The following DNAH11 variants were observed in gnomAD, a reference collection of about 807,000 sequenced individuals.
The protein encoded by DNAH11 is axonemal beta dynein heavy chain 11.
A neutral mutation model predicts 526.0 loss-of-function variants in DNAH11; 442 were observed. The ratio of observed to expected loss-of-function variants is 0.84; its 90% confidence interval spans 0.78 to 0.91. DNAH11 has a LOEUF of 0.91. Ranked by LOEUF, DNAH11 falls within the 40% of genes least tolerant of loss-of-function variation. The pLI is 0.00. For missense variants in DNAH11, 6,989 were observed against 5,448.7 expected, an observed-to-expected ratio of 1.28 and a Z score of -8.90; for synonymous variants, 2,461 against 1,935.9, an observed-to-expected ratio of 1.27 and a Z score of -7.12.
intron 67 of DNAH11, 26 bp from the exon 68 acceptor site, chr7:21,854,289 A>G: frequency 1.2e-6 from 2 of 1,610,076 alleles, no homozygotes; most frequent in East Asian, 2.2e-5. Context: ...TAAATAAGTT[A>G]CTTATTTTGT....
chr7:21,819,340 T>G (rs1789954974), intron 65 of DNAH11, among the ~76,000 whole-genome samples: 1 of 152,146 alleles, frequency 6.6e-6, no homozygotes, highest in African/African-American at 2.4e-5. Context: ...TCTAACTGAT[T>G]AGTATGGTAT....
In DNAH11 at chr7:21,867,871, G is replaced by A; in HGVS notation, c.11703G>A (p.Glu3901=). The change falls in exon 72 of 82, where the codon GAG becomes GAA. Residue 3901 remains glutamate, a synonymous_variant. Coordinates refer to ENST00000409508, the MANE Select transcript of DNAH11 (RefSeq NM_001277115.2). ...RMTYALRNFV[E]EKLGAKYVER... ...TTGTTTTTTATAGAAATTTTGTAGA[G>A]GAAAAACTGGGTGCGAAGTATGTGG... 1 of 1,573,628 alleles carries A rather than the reference G, an allele frequency of 6.4e-7. No individual in the cohort carries two copies. The highest frequency in any genetic ancestry group is 8.6e-7 in the Non-Finnish European group (1 of 1,158,206).
In DNAH11 at chr7:21,788,057, C is replaced by T. The variant is rs556699330; in HGVS notation, c.9924+474C>T. Among the ~76,000 whole-genome samples the T allele has an allele frequency of 3.6e-4, 55 of 152,250 alleles. 1 individual carries two copies. The highest frequency in any genetic ancestry group is 1.2e-3 in the African/African-American group (49 of 41,536). On this transcript the variant is annotated intron_variant, in intron 60 of 81. Transcript: ENST00000409508. ...AGTTTTGTGCCTATATGTGATCTAA[C>T]CTAAAATTTGTACTTTTCGGCAGTG...
Position 21,818,311 on chromosome 7 carries a change from C to A in DNAH11, c.10663C>A (p.Leu3555Ile), listed in dbSNP as rs1223007160. Residue 3555 changes from leucine (L) to isoleucine (I), a missense_variant, in exon 65 of 82, where the codon CTT (leucine) becomes ATT (isoleucine). Transcript: ENST00000409508. ...ETIDPVLDPL[L>I]GRNTIKKGKY... ...GATAGATCCAGTCCTGGATCCACTA[C>A]TTGGCAGGAACACAATTAAAAAAGG... 1 of 1,607,834 alleles carries A rather than the reference C, an allele frequency of 6.2e-7. No individual in the cohort carries two copies. Among genetic ancestry groups the A allele is most frequent in the Non-Finnish European group, 8.5e-7 (1 of 1,178,054 alleles).
At chr7:21,556,947 G>A (rs564425557) in intron 2 of DNAH11, among the ~76,000 whole-genome samples, 36 of 152,004 alleles carry the variant, frequency 2.4e-4, no homozygotes, top group South Asian at 4.2e-4. Flanking sequence ...TGTAATCCTG[G>A]CTACTCGGGA....
chr7:21,793,202 G>A (rs1272978235), intron 61 of DNAH11, among the ~76,000 whole-genome samples: 1 of 152,026 alleles, frequency 6.6e-6, no homozygotes, highest in Non-Finnish European at 1.5e-5. Flanking sequence ...TTCATTTCTA[G>A]TTTTATTCCA....
intron 65 of DNAH11, among the ~76,000 whole-genome samples, chr7:21,841,988 ATAAT>A (rs747607210): frequency 2.0e-5 from 3 of 152,174 alleles, no homozygotes; most frequent in Non-Finnish European, 2.9e-5. Context: ...AATTGAGTAA[ATAAT>A]TATCTTGTTT....
intron 61 of DNAH11, among the ~76,000 whole-genome samples, chr7:21,800,857 G>T (rs10280100): frequency 6.6e-6 from 1 of 152,110 alleles, no homozygotes. Context: ...CATCTTCAGC[G>T]CACATCCATT....
chr7:21,739,833 TTTTTG>T (rs1785795920), intron 48 of DNAH11, among the ~76,000 whole-genome samples, 160 bp downstream of exon 48: 1 of 152,212 alleles, frequency 6.6e-6, no homozygotes, highest in Non-Finnish European at 1.5e-5. Flanking sequence ...CTAATAAGCC[TTTTTG>T]TTTTAATTGG....
rs1193512913 is a variant in DNAH11, at chr7:21,900,117, GA to G, written c.13301del (p.Glu4434GlyfsTer52). On this transcript the variant is annotated frameshift_variant and splice_region_variant, in exon 81 of 82. Transcript: ENST00000409508. LOFTEE classifies it high-confidence loss of function. ...EGAYLHGLFM[E>X]GARWDTQAGT... ...TGCATACCTCCACGGACTCTTCATG[GA>G]GGGTAAGACACCCCAAGGGGTAAGT... 1.2e-6 allele frequency: 2 copies of G among 1,612,614 alleles called. No homozygotes were observed. The highest frequency in any genetic ancestry group is 1.7e-6 in the Non-Finnish European group (2 of 1,179,148).
intron 57 of DNAH11, among the ~76,000 whole-genome samples, chr7:21,782,854 G>C (rs1414187662): frequency 6.6e-6 from 1 of 150,774 alleles, no homozygotes; most frequent in South Asian, 2.1e-4. Context: ...AGGTTGCAGT[G>C]AGCCGAGATC....
chr7:21,707,155 G>T (rs1037195914), intron 39 of DNAH11, among the ~76,000 whole-genome samples: 2 of 152,116 alleles, frequency 1.3e-5, no homozygotes, highest in African/African-American at 4.8e-5. Context: ...GAGAACCACT[G>T]CCCTAAGTCT....
intron 31 of DNAH11, among the ~76,000 whole-genome samples, chr7:21,682,265 G>A (rs1279769231): frequency 6.6e-6 from 1 of 152,026 alleles, no homozygotes; most frequent in Non-Finnish European, 1.5e-5. Context: ...GGTGGCTCAC[G>A]CCTGTAATCC....
chr7:21,628,861 G>T (rs1302838775), intron 25 of DNAH11, among the ~76,000 whole-genome samples: 1 of 152,018 alleles, frequency 6.6e-6, no homozygotes, highest in Non-Finnish European at 1.5e-5. Flanking sequence ...CACCTTTTGT[G>T]TTGTTGATCT....
chr7:21,816,983 G>A (rs2128000274), intron 64 of DNAH11, among the ~76,000 whole-genome samples: 1 of 152,202 alleles, frequency 6.6e-6, no homozygotes, highest in Non-Finnish European at 1.5e-5. Flanking sequence ...AGCCAAGAAT[G>A]GATATATATT....
rs150692635 is a variant in DNAH11 at position 21,827,442 on chromosome 7, A to G, written c.10691+9103A>G. Reference sequence around the variant, plus strand: ...GAATTTTTTAAAATATTATTTAAATATTATTATAATTTTTGAAAGACTGGA... The same window carrying G: ...GAATTTTTTAAAATATTATTTAAATGTTATTATAATTTTTGAAAGACTGGA... On this transcript the variant is annotated intron_variant, in intron 65 of 81. Coordinates refer to ENST00000409508, the MANE Select transcript of DNAH11 (RefSeq NM_001277115.2). Among the ~76,000 whole-genome samples, 7 of 151,370 alleles carry G rather than the reference A, an allele frequency of 4.6e-5. No homozygotes were observed. In the East Asian group the frequency reaches 1.3e-3, roughly 29 times the overall value.
intron 62 of DNAH11, among the ~76,000 whole-genome samples, chr7:21,803,010 A>G (rs1307444080): frequency 6.6e-6 from 1 of 151,534 alleles, no homozygotes; most frequent in Non-Finnish European, 1.5e-5. Flanking sequence ...ATTTCATGGT[A>G]TGTGAATTAT....
intron 39 of DNAH11, among the ~76,000 whole-genome samples, chr7:21,707,088 C>G (rs537440948): frequency 5.9e-5 from 9 of 152,192 alleles, no homozygotes; most frequent in Non-Finnish European, 2.9e-5. Context: ...TCTCTATCCA[C>G]TGGATGTCCA....
rs1202020194 is a variant in DNAH11, at chr7:21,866,515, GAAGGATCTGCC to G, written c.11546_11556del (p.Gly3849AlafsTer38). 6.2e-7 allele frequency: 1 copy of G among 1,613,684 alleles called. No individual in the cohort carries two copies. Among genetic ancestry groups the G allele is most frequent in the East Asian group, 2.2e-5 (1 of 44,878 alleles). On this transcript the variant is annotated frameshift_variant, in exon 71 of 82. Transcript: ENST00000409508. LOFTEE classifies it high-confidence loss of function. ...ATTTCGAGGCATAGACCGAGATGTG[GAAGGATCTGCC>G]AAGCAGTGGAGGAAGTGGGTAGAAT... is the stretch of plus-strand genomic sequence containing the variant.
Sources: allele counts gnomAD v4.1 joint callset (sites outside exome capture counted in the v4.1 genomes callset), GRCh38; gene constraint gnomAD v4.1.1; transcripts MANE v1.5; gene names NCBI Gene and HGNC (gene_info 2026-07-23, HGNC 2026-07-21).